Variants in NFIX observed in about 807,000 individuals in gnomAD.
NFIX encodes nuclear factor I X, also known as nuclear factor 1 X-type.
A neutral mutation model predicts 53.3 loss-of-function variants in NFIX; 2 were observed. The observed-to-expected ratio is 0.04, with a 90% CI of 0.02 to 0.12. The LOEUF (loss-of-function observed/expected upper bound fraction) is 0.12. Among genes scored for constraint, NFIX ranks in the 10% least tolerant of loss-of-function variants. The pLI, the probability that NFIX is intolerant of heterozygous loss-of-function variation, is 1.00. For synonymous variants in NFIX, 244 were observed against 289.0 expected, an observed-to-expected ratio of 0.84 and a Z score of 1.58; for missense variants, 310 against 674.5, an observed-to-expected ratio of 0.46 and a Z score of 5.99.
intron 8 of NFIX, among the ~76,000 whole-genome samples, chr19:13,082,792 C>T (rs1183838428): frequency 2.6e-5 from 4 of 152,254 alleles, no homozygotes; most frequent in Admixed American, 2.6e-4. Context: ...GTAGCCAGCC[C>T]TCCCAGCTTG....
chr19:13,035,034 C>T (rs182058407), intron 2 of NFIX, among the ~76,000 whole-genome samples: 2 of 152,272 alleles, frequency 1.3e-5, no homozygotes, highest in Non-Finnish European at 2.9e-5. Flanking sequence ...AGTTGCACCT[C>T]CCTCCCCAAG....
At position 13,088,264 on chromosome 19, in the gene NFIX, C is replaced by A. The variant is rs377047967; in HGVS notation, c.1402+128C>A. 5.0e-6 allele frequency: 6 copies of A among 1,191,928 alleles called. No individual in the cohort carries two copies. Among genetic ancestry groups the A allele is most frequent in the East Asian group, 2.6e-5 (1 of 38,890 alleles). The allele number at this position is 1,191,928 out of a possible 1,614,324, so 73.8% of individuals were successfully genotyped here. A position where few individuals can be genotyped will look rare whatever the true frequency, so the allele number is the denominator to read the frequency against. On this transcript the variant is annotated intron_variant, in intron 9 of 10. Transcript: ENST00000592199. This position sits in a 1 kb window ranked among gnomAD's most constrained non-coding sequence, Gnocchi z 5.9. ...GCCCCCCAACCCAGAGCACCATGGA[C>A]AAGAGCAGAGCCGAGCCCCCCAACC...
In NFIX at chr19:13,040,047, G is replaced by A. The variant is rs113458985; in HGVS notation, c.559+14495G>A. Among the ~76,000 whole-genome samples, 462 of 152,310 alleles carry A rather than the reference G, an allele frequency of 3.0e-3. 2 individuals carry two copies. Among genetic ancestry groups the A allele is most frequent in the African/African-American group, 0.011 (445 of 41,568 alleles). On this transcript the variant is annotated intron_variant, in intron 2 of 10. Coordinates refer to ENST00000592199, the MANE Select transcript of NFIX (RefSeq NM_001365902.3). The surrounding 1 kb of genome is among the most constrained non-coding windows in gnomAD (Gnocchi z 4.2). ...AGTGGAAGCTTCCAGAATGCTGGAA[G>A]GAGTGTGGCAGGCAAGTGAGAAGCT...
chr19:12,999,024 T>C (rs892941909), intron 1 of NFIX, among the ~76,000 whole-genome samples: 1 of 152,052 alleles, frequency 6.6e-6, no homozygotes, highest in Non-Finnish European at 1.5e-5. Context: ...GAGCACATGC[T>C]TGGATACAGG....
intron 1 of NFIX, among the ~76,000 whole-genome samples, chr19:13,004,316 C>T (rs981463481): frequency 9.9e-5 from 15 of 152,240 alleles, no homozygotes; most frequent in African/African-American, 3.6e-4. Flanking sequence ...CACAGTCACA[C>T]CCAAACAAGA....
rs1314842295 is a variant in NFIX at position 13,095,920 on chromosome 19, G to A, written c.*1271G>A. 6.6e-6 allele frequency: 1 copy of A among 151,424 alleles called. No homozygotes were observed. The highest frequency in any genetic ancestry group is 2.1e-4 in the South Asian group (1 of 4,796). The allele number at this position is 151,424 out of a possible 1,614,324, so 9.4% of individuals were successfully genotyped here. A position where few individuals can be genotyped will look rare whatever the true frequency, so the allele number is the denominator to read the frequency against. Reference sequence around the variant, plus strand: ...TTAGGGGTGGGGCATTCATTGTTTGGGTCTTTTGCTGTTGGAATGGGAACT... The same window carrying A: ...TTAGGGGTGGGGCATTCATTGTTTGAGTCTTTTGCTGTTGGAATGGGAACT... On this transcript the variant is annotated 3_prime_UTR_variant, in exon 11 of 11. Transcript: ENST00000592199.
intron 2 of NFIX, among the ~76,000 whole-genome samples, chr19:13,042,142 G>A (rs1438032522): frequency 7.3e-5 from 11 of 150,904 alleles, no homozygotes; most frequent in Admixed American, 4.0e-4. Flanking sequence ...TCCTGACCTC[G>A]TGATCCGCCT....
chr19:13,088,697 T>C lies in NFIX; in HGVS notation c.1402+561T>C, dbSNP rs2017949232. 6.6e-6 allele frequency among the ~76,000 whole-genome samples: 1 copy of C among 151,644 alleles called. No homozygotes were observed. Among genetic ancestry groups the C allele is most frequent in the South Asian group, 2.1e-4 (1 of 4,810 alleles). ...TTCCCCCTCAGTCTCACATTTGGTT[T>C]CTCGTTGTTCCTCTTTTTTTTTCCC... On this transcript the variant is annotated intron_variant, in intron 9 of 10. Coordinates refer to ENST00000592199, the MANE Select transcript of NFIX (RefSeq NM_001365902.3). The surrounding 1 kb of genome is among the most constrained non-coding windows in gnomAD (Gnocchi z 5.9).
At position 13,088,242 on chromosome 19, in the gene NFIX, C is replaced by T. The variant is rs958725744; in HGVS notation, c.1402+106C>T. ...CTTCCCCCTCCCCACCACCAAAGCC[C>T]CCCAACCCAGAGCACCATGGACAAG... On this transcript the variant is annotated intron_variant, in intron 9 of 10. Transcript: ENST00000592199. This position sits in a 1 kb window ranked among gnomAD's most constrained non-coding sequence, Gnocchi z 5.9. 8 of 1,359,984 alleles carry T rather than the reference C, an allele frequency of 5.9e-6. No individual in the cohort carries two copies. In the African/African-American group the frequency reaches 1.0e-4, roughly 17 times the overall value. 84.2% of individuals were successfully genotyped at this position (1,359,984 alleles called of 1,614,324 possible). A position where few individuals can be genotyped will look rare whatever the true frequency, so the allele number is the denominator to read the frequency against.
chr19:13,016,023 C>A (rs145990014), intron 1 of NFIX, among the ~76,000 whole-genome samples: 1 of 152,052 alleles, frequency 6.6e-6, no homozygotes, highest in Non-Finnish European at 1.5e-5. Context: ...GCTTGTTCAG[C>A]GGTGCTGAAA....
In NFIX at chr19:13,011,103, C is replaced by A. The variant is rs1244488348; in HGVS notation, c.28-13918C>A. On this transcript the variant is annotated intron_variant, in intron 1 of 10. Coordinates refer to ENST00000592199, the MANE Select transcript of NFIX (RefSeq NM_001365902.3). The surrounding 1 kb of genome is among the most constrained non-coding windows in gnomAD (Gnocchi z 6.5). ...ACCCAAACCTGCAAAAACCATTTCG[C>A]CAGGCAGGGATGTAGGGGGAGGCGG... Among the ~76,000 whole-genome samples, 3 of 152,184 alleles carry A rather than the reference C, an allele frequency of 2.0e-5. No homozygotes were observed. Among genetic ancestry groups the A allele is most frequent in the African/African-American group, 7.2e-5 (3 of 41,448 alleles).
In NFIX at chr19:13,006,095, A is replaced by G. The variant is rs911844221; in HGVS notation, c.27+10231A>G. ...AAGATGCCAGCCCCGGTGGGAGGGC[A>G]GACTGTGAATCTGATAAACAAGGGA... On this transcript the variant is annotated intron_variant, in intron 1 of 10. Coordinates refer to ENST00000592199, the MANE Select transcript of NFIX (RefSeq NM_001365902.3). The surrounding 1 kb of genome is among the most constrained non-coding windows in gnomAD (Gnocchi z 5.6). Among the ~76,000 whole-genome samples, 1 of 152,214 alleles carries G rather than the reference A, an allele frequency of 6.6e-6. No homozygotes were observed. The highest frequency in any genetic ancestry group is 2.4e-5 in the African/African-American group (1 of 41,454).
rs1371280522 is a variant in NFIX at position 13,052,688 on chromosome 19, C to A, written c.560-20359C>A. ...TAGCCTGGCCTTAACCCTGCCGATT[C>A]CATATACTGTGCTCATCTCGACCCA... On this transcript the variant is annotated intron_variant, in intron 2 of 10. Coordinates refer to ENST00000592199, the MANE Select transcript of NFIX (RefSeq NM_001365902.3). This position sits in a 1 kb window ranked among gnomAD's most constrained non-coding sequence, Gnocchi z 5.2. Among the ~76,000 whole-genome samples the A allele has an allele frequency of 6.6e-6, 1 of 152,212 alleles. No homozygotes were observed. Among genetic ancestry groups the A allele is most frequent in the Non-Finnish European group, 1.5e-5 (1 of 68,026 alleles).
In NFIX at chr19:13,047,919, G is replaced by A. The variant is rs77746817; in HGVS notation, c.559+22367G>A. ...CCAGGTCCTCTTGTTCCGTCTGCTC[G>A]ATGAAGGTAAAGGCTGATTTCCCTG... On this transcript the variant is annotated intron_variant, in intron 2 of 10. Coordinates refer to ENST00000592199, the MANE Select transcript of NFIX (RefSeq NM_001365902.3). 5.3e-3 allele frequency among the ~76,000 whole-genome samples: 808 copies of A among 152,272 alleles called. 1 individual carries two copies. The highest frequency in any genetic ancestry group is 0.03 in the East Asian group (158 of 5,182).
intron 2 of NFIX, among the ~76,000 whole-genome samples, chr19:13,053,941 T>C (rs1213328914): frequency 1.3e-5 from 2 of 152,104 alleles, no homozygotes; most frequent in Non-Finnish European, 2.9e-5. Flanking sequence ...ATCCACTCCC[T>C]GGACACCTCC....
At chr19:13,080,250 TTTTG>T (rs1285519001) in intron 7 of NFIX, among the ~76,000 whole-genome samples, 2 of 152,218 alleles carry the variant, frequency 1.3e-5, no homozygotes, top group Non-Finnish European at 2.9e-5. Flanking sequence ...ACACCAGTTT[TTTTG>T]TTTGTTTTTC....
At chr19:13,054,074 G>A (rs1475968109) in intron 2 of NFIX, among the ~76,000 whole-genome samples, 1 of 152,144 alleles carries the variant, frequency 6.6e-6, no homozygotes, top group Non-Finnish European at 1.5e-5. Context: ...CCTGCTTCCC[G>A]GCCTGACTCC....
At chr19:13,015,161 G>A (rs1053074734) in intron 1 of NFIX, among the ~76,000 whole-genome samples, 2 of 151,996 alleles carry the variant, frequency 1.3e-5, no homozygotes, top group South Asian at 4.1e-4. Context: ...ACTTTTCAGC[G>A]ATCCCTTGTA....
At chr19:13,079,731 C>T (rs2017347670) in intron 7 of NFIX, among the ~76,000 whole-genome samples, 5 of 152,354 alleles carry the variant, frequency 3.3e-5, no homozygotes, top group Non-Finnish European at 5.9e-5. Context: ...CTGGCTCCTC[C>T]GGCTCCACCT....
Sources: gnomAD v4.1 joint callset for allele counts (sites outside exome capture counted in the v4.1 genomes callset) on GRCh38, gnomAD v4.1.1 for gene constraint, Gnocchi (gnomAD v3.1) non-coding constraint, MANE v1.5 for transcripts, NCBI Gene and HGNC (gene_info 2026-07-23, HGNC 2026-07-21) for gene names.